SNX13: variants seen among roughly 807,000 people sequenced by gnomAD.
SNX13 encodes the protein sorting nexin 13.
In SNX13, 45 loss-of-function variants were observed where a neutral mutation model predicts 133.6. The observed-to-expected ratio is 0.34, with a 90% CI of 0.27 to 0.43. The LOEUF is 0.43. Ranked by LOEUF, SNX13 falls within the 20% of genes least tolerant of loss-of-function variation. The pLI is 1.00. For missense variants in SNX13, 1,032 were observed against 1,145.1 expected, an observed-to-expected ratio of 0.90 and a Z score of 1.43; for synonymous variants, 414 against 373.9, an observed-to-expected ratio of 1.11 and a Z score of -1.24.
At chr7:17,862,942 G>C (rs1442198664) in intron 9 of SNX13, among the ~76,000 whole-genome samples, 1 of 152,084 alleles carries the variant, frequency 6.6e-6, no homozygotes, top group Admixed American at 6.5e-5. Flanking sequence ...CATTCAAAAG[G>C]GTAGGAAAGA....
intron 1 of SNX13, among the ~76,000 whole-genome samples, chr7:17,918,641 G>A (rs1380426719): frequency 6.6e-6 from 1 of 152,164 alleles, no homozygotes; most frequent in Non-Finnish European, 1.5e-5. Context: ...AAAAGGAAAT[G>A]TTAATACACT....
At position 17,803,523 on chromosome 7, in the gene SNX13, T is replaced by G; in HGVS notation, c.2122A>C (p.Lys708Gln). Residue 708 changes from lysine to glutamine, a missense_variant, in exon 21 of 26, where the codon AAA (lysine) becomes CAA (glutamine). Transcript: ENST00000428135. ...NSMRNVSNAVKSLPDSLAEGM... is the reference protein window; with the variant it reads ...NSMRNVSNAVQSLPDSLAEGM... ...TCTGCCAAGCTATCAGGAAGGGATT[T>G]AACTGCATTTGAAACATTCCTCATT... The G allele has an allele frequency of 6.2e-7, 1 of 1,612,434 alleles. No individual in the cohort carries two copies. Among genetic ancestry groups the G allele is most frequent in the Non-Finnish European group, 8.5e-7 (1 of 1,179,220 alleles).
At chr7:17,880,550 G>C (rs1795221894) in intron 5 of SNX13, 1 of 152,162 alleles carries the variant, frequency 6.6e-6, no homozygotes, top group African/African-American at 2.4e-5. Flanking sequence ...TTTTCTGGAG[G>C]TGGGGTCCAG....
At position 17,814,913 on chromosome 7, in the gene SNX13, G is replaced by A. The variant is rs189736889; in HGVS notation, c.1985C>T (p.Ser662Phe). The A allele has an allele frequency of 1.4e-4, 211 of 1,504,184 alleles. 2 individuals carry two copies. Among genetic ancestry groups the A allele is most frequent in the South Asian group, 1.7e-4 (12 of 72,342 alleles). 93.2% of individuals were successfully genotyped at this position (1,504,184 alleles called of 1,614,324 possible). A position where few individuals can be genotyped will look rare whatever the true frequency, so the allele number is the denominator to read the frequency against. Residue 662 changes from serine (S) to phenylalanine (F), a missense_variant, in exon 20 of 26, where the codon TCC (serine) becomes TTC (phenylalanine). Coordinates refer to ENST00000428135, the MANE Select transcript of SNX13 (RefSeq NM_015132.5). ...LLLAPEMMKA[S>F]PALAHYVYDF... ...ATACACATAGTGAGCTAAAGCGGGG[G>A]ATGCCTTCATCATTTCAGGAGCTAA...
intron 1 of SNX13, among the ~76,000 whole-genome samples, chr7:17,933,544 G>GA (rs113827759): frequency 2.2e-3 from 261 of 120,058 alleles, no homozygotes; most frequent in Middle Eastern, 4.0e-3. Context: ...CTCTGTCTCA[G>GA]AAAAAAAAAA....
intron 1 of SNX13, among the ~76,000 whole-genome samples, chr7:17,937,721 A>G (rs1466769767): frequency 3.3e-5 from 5 of 152,152 alleles, no homozygotes; most frequent in Non-Finnish European, 5.9e-5. Flanking sequence ...AAAGCACACA[A>G]TGTGGAATAA....
rs772449692 is a variant in SNX13 at position 17,875,708 on chromosome 7, C to T, written c.523G>A (p.Ala175Thr). ...TCTTTCTCTGTTATTTTCTGTTGAG[C>T]CTTTCTGAATACTCGTAAGTGTGTG... ...FGTHLRVFRK[A>T]QQKITEKDDQ... Residue 175 changes from alanine (A) to threonine (T), a missense_variant, in exon 6 of 26, where the codon GCT becomes ACT. Coordinates refer to ENST00000428135, the MANE Select transcript of SNX13 (RefSeq NM_015132.5). 22 of 1,611,810 alleles carry T rather than the reference C, an allele frequency of 1.4e-5. No individual in the cohort carries two copies. Among genetic ancestry groups the T allele is most frequent in the Non-Finnish European group, 1.9e-5 (22 of 1,178,688 alleles).
intron 9 of SNX13, 86 bp downstream of exon 9, chr7:17,868,321 C>A (rs1793651808): frequency 1.1e-6 from 1 of 874,186 alleles, no homozygotes; most frequent in East Asian, 2.8e-5. Context: ...TAATAAATTA[C>A]TGCTTAAACA....
chr7:17,804,660 C>A (rs765456101), intron 20 of SNX13, among the ~76,000 whole-genome samples: 1 of 151,234 alleles, frequency 6.6e-6, no homozygotes, highest in South Asian at 2.1e-4. Flanking sequence ...TGAGACTGAG[C>A]GATTCTTTAA....
At chr7:17,907,266 T>G (rs2128013023) in intron 1 of SNX13, 1 of 152,288 alleles carries the variant, frequency 6.6e-6, no homozygotes, top group East Asian at 1.9e-4. Flanking sequence ...CTAAATCTTC[T>G]AAGCCCAGGG....
chr7:17,850,125 T>C (rs1791034330), intron 11 of SNX13, among the ~76,000 whole-genome samples: 1 of 152,178 alleles, frequency 6.6e-6, no homozygotes, highest in African/African-American at 2.4e-5. Flanking sequence ...TAAAATAAAA[T>C]CTTCAATTAC....
intron 16 of SNX13, among the ~76,000 whole-genome samples, 151 bp from the exon 17 acceptor site, chr7:17,826,242 A>G (rs1787899815): frequency 6.6e-6 from 1 of 152,012 alleles, no homozygotes; most frequent in Admixed American, 6.6e-5. Context: ...TCCATACACA[A>G]TAATATTTTC....
rs1308672303 is a variant in SNX13, at chr7:17,868,512, AAAAC to A, written c.754-26_754-23del. ...TTTCCTGAAAAAAAAGTAAATAACA[AAAAC>A]AAATTTAATCTATTTCTGAAATCAA... is the stretch of plus-strand genomic sequence containing the variant. On this transcript the variant is annotated intron_variant, in intron 8 of 25. Coordinates refer to ENST00000428135, the MANE Select transcript of SNX13 (RefSeq NM_015132.5). 2.6e-6 allele frequency: 4 copies of A among 1,535,338 alleles called. No homozygotes were observed. The African/African-American group carries it at 5.5e-5, about 21-fold the overall frequency.
intron 1 of SNX13, among the ~76,000 whole-genome samples, chr7:17,926,288 A>G (rs1800747853): frequency 6.6e-6 from 1 of 152,140 alleles, no homozygotes; most frequent in Non-Finnish European, 1.5e-5. Flanking sequence ...ATTAATTTAA[A>G]TTAGGAATAT....
At chr7:17,822,370 C>A (rs1787396326) in intron 17 of SNX13, among the ~76,000 whole-genome samples, 1 of 152,104 alleles carries the variant, frequency 6.6e-6, no homozygotes, top group Non-Finnish European at 1.5e-5. Flanking sequence ...TATCTTTCTG[C>A]ACTCTACAAT....
chr7:17,841,024 C>T (rs1789806434), intron 12 of SNX13, among the ~76,000 whole-genome samples: 1 of 152,086 alleles, frequency 6.6e-6, no homozygotes, highest in Admixed American at 6.6e-5. Flanking sequence ...GCTGTGCATG[C>T]ACTCCAGAAT....
At position 17,875,507 on chromosome 7, in the gene SNX13, C is replaced by A; in HGVS notation, c.637G>T (p.Val213Leu). ...EMEKEVCRDL[V>L]CTSPKDEEGF... is the part of the protein sequence containing the mutation. ...TCTTCATCTTTGGGGGAAGTGCACA[C>A]TAGATCACGGCAAACCTCCTTCTCC... is the stretch of plus-strand genomic sequence containing the variant. The change falls in exon 7 of 26, where the codon GTG becomes TTG. Residue 213 changes from valine to leucine, a missense_variant. Physicochemically the swap from Val to Leu is conservative, Grantham distance 32 (BLOSUM62 1). Coordinates refer to ENST00000428135, the MANE Select transcript of SNX13 (RefSeq NM_015132.5). 1 of 1,609,734 alleles carries A rather than the reference C, an allele frequency of 6.2e-7. No homozygotes were observed. The highest frequency in any genetic ancestry group is 8.5e-7 in the Non-Finnish European group (1 of 1,179,162).
chr7:17,883,704 C>T (rs1347110615), intron 5 of SNX13, among the ~76,000 whole-genome samples: 1 of 152,096 alleles, frequency 6.6e-6, no homozygotes, highest in Non-Finnish European at 1.5e-5. Flanking sequence ...AATGCTATCC[C>T]TCCCCTTGCC....
At chr7:17,819,840 C>T (rs1054706200) in intron 18 of SNX13, among the ~76,000 whole-genome samples, 1 of 151,962 alleles carries the variant, frequency 6.6e-6, no homozygotes, top group Non-Finnish European at 1.5e-5. Flanking sequence ...AATCTAAACA[C>T]TTAGGTAATC....
Sources: gnomAD v4.1 joint callset for allele counts (sites outside exome capture counted in the v4.1 genomes callset) on GRCh38, gnomAD v4.1.1 for gene constraint, MANE v1.5 for transcripts, NCBI Gene and HGNC (gene_info 2026-07-23, HGNC 2026-07-21) for gene names.